Variants in MEGF11 observed in about 807,000 individuals in gnomAD.
MEGF11 encodes the protein multiple EGF like domains 11, also known as multiple epidermal growth factor-like domains protein 11.
A neutral mutation model predicts 146.6 loss-of-function variants in MEGF11; 126 were observed. The observed-to-expected ratio is 0.86, with a 90% confidence interval of 0.74 to 1.00. MEGF11 has a LOEUF of 1.00. Among genes scored for constraint, MEGF11 ranks in the 50% least tolerant of loss-of-function variants. The probability of loss-of-function intolerance (pLI) is 0.00; values close to 1 mark genes in which losing one functional copy is unlikely to be tolerated. For synonymous variants in MEGF11, 532 were observed against 583.4 expected, an observed-to-expected ratio of 0.91 and a Z score of 1.27; for missense variants, 1,509 against 1,521.2, an observed-to-expected ratio of 0.99 and a Z score of 0.13.
chr15:66,217,177 G>T (rs2091606280), intron 1 of MEGF11, among the ~76,000 whole-genome samples: 1 of 152,238 alleles, frequency 6.6e-6, no homozygotes, highest in Non-Finnish European at 1.5e-5. Flanking sequence ...GGCATGTCTA[G>T]AACAAGACAG....
intron 4 of MEGF11, among the ~76,000 whole-genome samples, chr15:66,099,366 G>T (rs1371217101): frequency 6.6e-6 from 1 of 152,002 alleles, no homozygotes; most frequent in Non-Finnish European, 1.5e-5. Flanking sequence ...TGTATTTTTA[G>T]TAGAGACGGG....
At chr15:66,194,918 G>A (rs1246912629) in intron 1 of MEGF11, among the ~76,000 whole-genome samples, 6 of 152,110 alleles carry the variant, frequency 3.9e-5, no homozygotes, top group African/African-American at 1.4e-4. Context: ...TGTGCATTTG[G>A]GCTTGTCGTC....
At chr15:66,204,536 C>T (rs1291671677) in intron 1 of MEGF11, among the ~76,000 whole-genome samples, 1 of 152,240 alleles carries the variant, frequency 6.6e-6, no homozygotes, top group African/African-American at 2.4e-5. Context: ...GGCATGTGCA[C>T]TGGGTTCAAG....
intron 5 of MEGF11, among the ~76,000 whole-genome samples, chr15:66,061,312 G>C (rs534547106): frequency 6.6e-6 from 1 of 152,182 alleles, no homozygotes; most frequent in Non-Finnish European, 1.5e-5. Context: ...ACTGCAGGCC[G>C]TCCCAGGCAT....
chr15:65,953,293 C>T (rs1421122160), intron 10 of MEGF11, among the ~76,000 whole-genome samples: 1 of 152,164 alleles, frequency 6.6e-6, no homozygotes, highest in African/African-American at 2.4e-5. Flanking sequence ...CCATGTCAGG[C>T]AGGATAAGTG....
At chr15:66,046,402 C>T (rs926780281) in intron 5 of MEGF11, among the ~76,000 whole-genome samples, 3 of 152,164 alleles carry the variant, frequency 2.0e-5, no homozygotes, top group Non-Finnish European at 4.4e-5. Flanking sequence ...GTGTAGGTAC[C>T]CAGGCTGCAT....
At chr15:66,051,224 G>C (rs2084432992) in intron 5 of MEGF11, among the ~76,000 whole-genome samples, 1 of 152,170 alleles carries the variant, frequency 6.6e-6, no homozygotes, top group African/African-American at 2.4e-5. Flanking sequence ...TGAGGCCTCA[G>C]CTGGGGGAGC....
At chr15:66,119,830 C>T (rs537053044) in intron 3 of MEGF11, among the ~76,000 whole-genome samples, 2 of 152,176 alleles carry the variant, frequency 1.3e-5, no homozygotes, top group Non-Finnish European at 2.9e-5. Context: ...AGCTGCAGCA[C>T]TGGGAGTCAG....
At chr15:66,098,996 G>T (rs1447479014) in intron 4 of MEGF11, among the ~76,000 whole-genome samples, 3 of 152,160 alleles carry the variant, frequency 2.0e-5, no homozygotes, top group Non-Finnish European at 2.9e-5. Context: ...CCTAGAGTTG[G>T]CTTTTAATTG....
chr15:66,217,980 C>T (rs905725942), intron 1 of MEGF11, among the ~76,000 whole-genome samples: 1 of 152,210 alleles, frequency 6.6e-6, no homozygotes, highest in African/African-American at 2.4e-5. Flanking sequence ...CAATAACTTG[C>T]TGGGTGATCT....
At chr15:66,243,706 T>A (rs2092253437) in intron 1 of MEGF11, among the ~76,000 whole-genome samples, 1 of 152,130 alleles carries the variant, frequency 6.6e-6, no homozygotes, top group Non-Finnish European at 1.5e-5. Context: ...TTGGGGTGTT[T>A]TTATTTATTG....
intron 1 of MEGF11, among the ~76,000 whole-genome samples, chr15:66,183,535 C>CAAAAAAA (rs1491447055): frequency 1.0e-5 from 1 of 99,578 alleles, no homozygotes; most frequent in African/African-American, 3.9e-5. Context: ...ACCCCCCTGC[C>CAAAAAAA]AAAAAGAAAA....
intron 1 of MEGF11, among the ~76,000 whole-genome samples, chr15:66,170,413 T>G (rs2090217384): frequency 6.6e-6 from 1 of 152,176 alleles, no homozygotes; most frequent in African/African-American, 2.4e-5. Flanking sequence ...CTTTCTCCCA[T>G]GAAGACAGCA....
rs1350781818 is a variant in MEGF11 at position 65,957,591 on chromosome 15, A to C, written c.1243T>G (p.Cys415Gly). 6.2e-7 allele frequency: 1 copy of C among 1,613,926 alleles called. No homozygotes were observed. The highest frequency in any genetic ancestry group is 1.1e-5 in the South Asian group (1 of 91,052). Residue 415 changes from cysteine to glycine, a missense_variant, in exon 10 of 26, where the codon TGC becomes GGC. Coordinates refer to ENST00000395614, the MANE Select transcript of MEGF11 (RefSeq NM_001385028.1). ...GTGCAGCCCCCAGTGATGCTGTGGC[A>C]GTCGGCGCCATTCTGACAGGTGCAA... ...LPCTCQNGADCHSITGGCTCA... is the reference protein window; with the variant it reads ...LPCTCQNGADGHSITGGCTCA...
intron 1 of MEGF11, among the ~76,000 whole-genome samples, chr15:66,138,880 G>C (rs747485979): frequency 1.3e-5 from 2 of 152,208 alleles, no homozygotes; most frequent in African/African-American, 4.8e-5. Flanking sequence ...CTGATGGGGC[G>C]TATGGGATGC....
At chr15:66,204,782 T>A (rs1272563088) in intron 1 of MEGF11, among the ~76,000 whole-genome samples, 1 of 152,134 alleles carries the variant, frequency 6.6e-6, no homozygotes, top group Non-Finnish European at 1.5e-5. Context: ...GACTCAAAAT[T>A]TAAGGAAGGA....
At chr15:65,970,295 G>A (rs972287080) in intron 8 of MEGF11, among the ~76,000 whole-genome samples, 6 of 152,180 alleles carry the variant, frequency 3.9e-5, no homozygotes, top group African/African-American at 1.2e-4. Flanking sequence ...GAGAGTGGGG[G>A]CAGGTGCTCA....
rs570927209 is a variant in MEGF11, at chr15:66,244,445, G to A, written c.-9+9160C>T. 2.0e-5 allele frequency among the ~76,000 whole-genome samples: 3 copies of A among 152,266 alleles called. No homozygotes were observed. The South Asian group carries it at 6.2e-4, about 32-fold the overall frequency. On this transcript the variant is annotated intron_variant, in intron 1 of 25. Transcript: ENST00000395614. ...GTCCTGGGGATGCAGCAAAGCAGTG[G>A]GGCACAGTGGGACACAAGGAAAAAG... is the stretch of plus-strand genomic sequence containing the variant.
At chr15:65,996,163 A>G (rs1276190038) in intron 5 of MEGF11, among the ~76,000 whole-genome samples, 1 of 152,134 alleles carries the variant, frequency 6.6e-6, no homozygotes, top group Non-Finnish European at 1.5e-5. Flanking sequence ...TTTCCATTGT[A>G]AAATAAAGAC....
Sources: allele counts gnomAD v4.1 joint callset (sites outside exome capture counted in the v4.1 genomes callset), GRCh38; gene constraint gnomAD v4.1.1; transcripts MANE v1.5; gene names NCBI Gene and HGNC (gene_info 2026-07-23, HGNC 2026-07-21).